CLASP2: variants seen among roughly 807,000 people sequenced by gnomAD.
The protein encoded by CLASP2 is CLIP-associating protein 2.
In CLASP2, 47 loss-of-function variants were observed where a neutral mutation model predicts 194.4. The observed-to-expected ratio is 0.24, with a 90% CI of 0.19 to 0.31. CLASP2 has a LOEUF of 0.31. Among genes scored for constraint, CLASP2 ranks in the 10% least tolerant of loss-of-function variants. CLASP2 has a pLI of 1.00. For synonymous variants in CLASP2, 619 were observed against 633.5 expected (o/e 0.98, Z 0.34); for missense variants, 1,445 against 1,823.6 (o/e 0.79, Z 3.78).
intron 13 of CLASP2, among the ~76,000 whole-genome samples, chr3:33,610,354 C>G (rs2074892365): frequency 6.6e-6 from 1 of 152,232 alleles, no homozygotes; most frequent in Non-Finnish European, 1.5e-5. Context: ...CCTTCAACCA[C>G]CTTCTTTTCC....
chr3:33,527,521 C>T (rs1343783477), intron 34 of CLASP2, among the ~76,000 whole-genome samples: 1 of 152,132 alleles, frequency 6.6e-6, no homozygotes, highest in Non-Finnish European at 1.5e-5. Context: ...GAATGCACAG[C>T]TGAATTCTAC....
At chr3:33,623,742 T>C (rs575046313) in intron 10 of CLASP2, among the ~76,000 whole-genome samples, 4 of 152,360 alleles carry the variant, frequency 2.6e-5, no homozygotes, top group African/African-American at 9.6e-5. Context: ...AACAAGAAAG[T>C]GCAGATATCT....
rs377245587 is a variant in CLASP2 at position 33,717,861 on chromosome 3, G to A, written c.142C>T (p.Leu48=). ...GTGAGCGCGTCGACTGTCTTGCCTAGGCGGCCCAGGTCCTCCTCCAGGTCC... is the reference window on the plus strand; with the variant it reads ...GTGAGCGCGTCGACTGTCTTGCCTAAGCGGCCCAGGTCCTCCTCCAGGTCC... ...ISDLEEDLGR[L]GKTVDALTGW... Residue 48 remains leucine, a synonymous_variant, in exon 1 of 39, where the codon CTA becomes TTA. Coordinates refer to ENST00000682230, the MANE Select transcript of CLASP2 (RefSeq NM_001365631.1). 10 of 1,564,914 alleles carry A rather than the reference G, an allele frequency of 6.4e-6. No individual in the cohort carries two copies. In the Admixed American group the frequency reaches 1.3e-4, roughly 21 times the overall value.
At chr3:33,653,479 A>G (rs2083578110) in intron 7 of CLASP2, among the ~76,000 whole-genome samples, 1 of 152,208 alleles carries the variant, frequency 6.6e-6, no homozygotes, top group South Asian at 2.1e-4. Context: ...CTTAAGAGGT[A>G]TATCAACCAA....
intron 11 of CLASP2, among the ~76,000 whole-genome samples, chr3:33,620,816 T>C (rs1052403532): frequency 6.6e-6 from 1 of 152,166 alleles, no homozygotes; most frequent in East Asian, 1.9e-4. Flanking sequence ...CACCAAGATT[T>C]TTCCATTCTG....
Position 33,679,384 on chromosome 3 carries a change from T to C in CLASP2, c.644+4975A>G, listed in dbSNP as rs528056226. 1.4e-3 allele frequency among the ~76,000 whole-genome samples: 215 copies of C among 152,208 alleles called. 1 individual carries two copies. Among genetic ancestry groups the C allele is most frequent in the South Asian group, 3.1e-3 (15 of 4,824 alleles). On this transcript the variant is annotated intron_variant, in intron 6 of 38. Coordinates refer to ENST00000682230, the MANE Select transcript of CLASP2 (RefSeq NM_001365631.1). The stretch of plus-strand genomic sequence containing the variant: ...AACCATGAAAGAAATAACTGATAAG[T>C]TGAACTTCATTAAAATTAAAACTTT...
chr3:33,515,504 G>A (rs1278809049), intron 36 of CLASP2, among the ~76,000 whole-genome samples: 1 of 152,134 alleles, frequency 6.6e-6, no homozygotes, highest in South Asian at 2.1e-4. Flanking sequence ...CCAAAAATCA[G>A]CCAGTTGTGC....
chr3:33,583,421 G>A (rs1258154958), intron 22 of CLASP2, among the ~76,000 whole-genome samples: 1 of 152,196 alleles, frequency 6.6e-6, no homozygotes, highest in Non-Finnish European at 1.5e-5. Flanking sequence ...CCTTCAAGTG[G>A]TCCCTAGGGA....
chr3:33,602,925 A>G, intron 18 of CLASP2, 27 bp downstream of exon 18: 1 of 1,592,976 alleles, frequency 6.3e-7, no homozygotes, highest in East Asian at 2.3e-5. Context: ...AGAACATGGT[A>G]CAATTTTCCA....
Position 33,667,406 on chromosome 3 carries a change from C to CAAAAAAAAAAAAAAAAAAAAAAAAAAAAA in CLASP2, c.645-3892_645-3891insTTTTTTTTTTTTTTTTTTTTTTTTTTTTT, listed in dbSNP as rs537846651. 4.5e-5 allele frequency among the ~76,000 whole-genome samples: 2 copies of CAAAAAAAAAAAAAAAAAAAAAAAAAAAAA among 44,148 alleles called. 1 individual carries two copies. The highest frequency in any genetic ancestry group is 2.2e-4 in the African/African-American group (2 of 9,292). 29.0% of individuals were successfully genotyped at this position (44,148 alleles called of 152,430 possible). A position where few individuals can be genotyped will look rare whatever the true frequency, so the allele number is the denominator to read the frequency against. ...CCTGGGTGACAGAGTGAGACTATCT[C>CAAAAAAAAAAAAAAAAAAAAAAAAAAAAA]AAAAAAAAAAAAAAAAAAAAAAGAC... On this transcript the variant is annotated intron_variant, in intron 6 of 38. Transcript: ENST00000682230.
intron 11 of CLASP2, among the ~76,000 whole-genome samples, chr3:33,621,050 CTCT>C (rs1326037641): frequency 6.7e-6 from 1 of 148,644 alleles, no homozygotes; most frequent in East Asian, 2.0e-4. Flanking sequence ...TGAATCTCCC[CTCT>C]TCTCTCCAGT....
In CLASP2 at chr3:33,535,248, C is replaced by A; in HGVS notation, c.3772G>T (p.Asp1258Tyr). Residue 1258 changes from aspartate to tyrosine, a missense_variant, in exon 34 of 39, where the codon GAC becomes TAC. Transcript: ENST00000682230. The part of the protein sequence containing the change: ...LKEAMFDDDA[D>Y]QFPDDLSLDH... ...CAGAACATACCGTCAGGAAACTGGT[C>A]AGCATCATCATCAAACATGGCTTCC... 2.5e-6 allele frequency: 4 copies of A among 1,613,230 alleles called. No individual in the cohort carries two copies. The South Asian group carries it at 4.4e-5, about 18-fold the overall frequency.
chr3:33,546,183 C>T (rs988365431), intron 30 of CLASP2, among the ~76,000 whole-genome samples: 12 of 152,106 alleles, frequency 7.9e-5, no homozygotes, highest in African/African-American at 2.4e-4. Context: ...AGCTTTATTT[C>T]CCCTGTAGGG....
chr3:33,552,384 T>C (rs1265598026), intron 29 of CLASP2, among the ~76,000 whole-genome samples: 3 of 152,196 alleles, frequency 2.0e-5, no homozygotes, highest in Non-Finnish European at 4.4e-5. Context: ...CCCGAAGTGC[T>C]GGGATTACAG....
rs1050135792 is a variant in CLASP2, at chr3:33,563,030, TTTC to T, written c.2767-2062_2767-2060del. Among the ~76,000 whole-genome samples the T allele has an allele frequency of 1.0e-3, 152 of 152,260 alleles. 1 individual carries two copies. Among genetic ancestry groups the T allele is most frequent in the African/African-American group, 3.3e-3 (136 of 41,566 alleles). On this transcript the variant is annotated intron_variant, in intron 27 of 38. Transcript: ENST00000682230. Reference sequence around the variant, plus strand: ...CTAATTTATCCAAGAAAGAAGTGATTTTCTTCATTTTATGGCTAATCTTTCTAC... The same window carrying T: ...CTAATTTATCCAAGAAAGAAGTGATTTTCATTTTATGGCTAATCTTTCTAC...
chr3:33,577,526 A>G (rs1560120090), intron 23 of CLASP2, among the ~76,000 whole-genome samples: 1 of 152,194 alleles, frequency 6.6e-6, no homozygotes, highest in African/African-American at 2.4e-5. Flanking sequence ...TGAAGGTACA[A>G]GCATGAAACA....
At chr3:33,576,323 AAC>A in intron 23 of CLASP2, 48 bp from the exon 24 acceptor site, 2 of 1,472,820 alleles carry the variant, frequency 1.4e-6, no homozygotes, top group Middle Eastern at 1.7e-4. Context: ...TCATAAATAT[AAC>A]AGTGTCAGGT....
intron 2 of CLASP2, among the ~76,000 whole-genome samples, chr3:33,690,932 G>T (rs1184739996): frequency 1.3e-5 from 2 of 152,160 alleles, no homozygotes; most frequent in Non-Finnish European, 2.9e-5. Context: ...ACAGTGGCAG[G>T]GGGTGGGGAG....
chr3:33,597,034 T>C (rs2070589149), intron 18 of CLASP2, among the ~76,000 whole-genome samples: 1 of 152,162 alleles, frequency 6.6e-6, no homozygotes, highest in Non-Finnish European at 1.5e-5. Context: ...ATCATGCCAA[T>C]CCCCTGCTCT....
Sources: allele counts gnomAD v4.1 joint callset (sites outside exome capture counted in the v4.1 genomes callset), GRCh38; gene constraint gnomAD v4.1.1; transcripts MANE v1.5; gene names NCBI Gene and HGNC (gene_info 2026-07-23, HGNC 2026-07-21).